The following SYT16 variants were observed in gnomAD, a reference collection of about 807,000 sequenced individuals.
The protein encoded by SYT16 is synaptotagmin 16, also known as synaptotagmin-16.
A neutral mutation model predicts 61.4 loss-of-function variants in SYT16; 42 were observed. The observed-to-expected ratio is 0.68, with a 90% confidence interval of 0.53 to 0.89. The LOEUF (loss-of-function observed/expected upper bound fraction) is 0.89, where lower values mean the gene tolerates loss of function less well. Ranked by LOEUF, SYT16 falls within the 40% of genes least tolerant of loss-of-function variation. The pLI, the probability that SYT16 is intolerant of heterozygous loss-of-function variation, is 0.00. For synonymous variants in SYT16, 314 were observed against 302.3 expected, an observed-to-expected ratio of 1.04 and a Z score of -0.40; for missense variants, 804 against 807.3, an observed-to-expected ratio of 1.00 and a Z score of 0.05.
At chr14:62,057,997 A>C (rs1482373705) in intron 3 of SYT16, among the ~76,000 whole-genome samples, 1 of 152,160 alleles carries the variant, frequency 6.6e-6, no homozygotes, top group Non-Finnish European at 1.5e-5. Flanking sequence ...TATTATTTTG[A>C]ATTTTTAGAT....
intron 3 of SYT16, among the ~76,000 whole-genome samples, chr14:62,039,937 C>A (rs2054662031): frequency 6.6e-6 from 1 of 151,408 alleles, no homozygotes; most frequent in African/African-American, 2.4e-5. Flanking sequence ...GCTAGGAAAG[C>A]ATATCCAGTG....
Position 62,109,318 on chromosome 14 carries a change from G to A in SYT16, c.*8611G>A, listed in dbSNP as rs1323885486. The A allele has an allele frequency of 1.3e-5, 2 of 149,818 alleles. No homozygotes were observed. Among genetic ancestry groups the A allele is most frequent in the East Asian group, 2.0e-4 (1 of 5,086 alleles). The allele number at this position is 149,818 out of a possible 1,614,324, so 9.3% of individuals were successfully genotyped here. ...TTTTTTTTCACTTAGGGATAGTCAT[G>A]TAAGTTTTCATGTCTTTTTATGGCT... On this transcript the variant is annotated 3_prime_UTR_variant, in exon 8 of 8. Transcript: ENST00000683842.
chr14:61,842,777 G>T (rs971968413), intron 1 of SYT16, among the ~76,000 whole-genome samples: 1 of 151,250 alleles, frequency 6.6e-6, no homozygotes, highest in African/African-American at 2.4e-5. Flanking sequence ...GACTGTTAGG[G>T]GGTGGGGGGA....
chr14:61,945,662 TG>T (rs776937898), intron 1 of SYT16, among the ~76,000 whole-genome samples: 5 of 151,816 alleles, frequency 3.3e-5, no homozygotes, highest in Non-Finnish European at 7.4e-5. Context: ...GAGACCATCC[TG>T]GCTAACACAG....
chr14:61,896,218 C>T lies in SYT16; in HGVS notation c.-324-73914C>T, dbSNP rs565352691. ...GCTTATATGGGCAAGAACCCCCATA[C>T]GTCACTCACACACTGCTGTGGGGAC... On this transcript the variant is annotated intron_variant, in intron 1 of 7. Coordinates refer to ENST00000683842, the MANE Select transcript of SYT16 (RefSeq NM_001367656.1). Among the ~76,000 whole-genome samples, 11 of 152,218 alleles carry T rather than the reference C, an allele frequency of 7.2e-5. No homozygotes were observed. In the South Asian group the frequency reaches 1.0e-3, roughly 14 times the overall value.
chr14:62,066,647 G>T (rs1260155382), intron 3 of SYT16, among the ~76,000 whole-genome samples: 1 of 152,180 alleles, frequency 6.6e-6, no homozygotes, highest in Admixed American at 6.5e-5. Context: ...ATCTGTGAAT[G>T]AACAACCATA....
At chr14:62,062,970 G>A (rs2055893454) in intron 3 of SYT16, among the ~76,000 whole-genome samples, 1 of 152,180 alleles carries the variant, frequency 6.6e-6, no homozygotes, top group Non-Finnish European at 1.5e-5. Context: ...CTGTAAAGTA[G>A]CAGCAGACAG....
At chr14:62,059,270 A>C (rs188637902) in intron 3 of SYT16, among the ~76,000 whole-genome samples, 1 of 152,338 alleles carries the variant, frequency 6.6e-6, no homozygotes, top group Non-Finnish European at 1.5e-5. Context: ...ATTTATCGGT[A>C]TCTCATGTGA....
chr14:61,908,331 T>C (rs551656993), intron 1 of SYT16, among the ~76,000 whole-genome samples: 5 of 152,372 alleles, frequency 3.3e-5, no homozygotes, highest in African/African-American at 1.2e-4. Context: ...AAGAATTATC[T>C]TCCATTCATT....
chr14:61,867,245 C>A (rs1204378026), intron 1 of SYT16, among the ~76,000 whole-genome samples: 1 of 151,782 alleles, frequency 6.6e-6, no homozygotes, highest in African/African-American at 2.4e-5. Flanking sequence ...CATTTTATTT[C>A]CATGTCAATT....
chr14:62,001,005 T>A (rs2052991849), intron 3 of SYT16, among the ~76,000 whole-genome samples: 1 of 152,040 alleles, frequency 6.6e-6, no homozygotes, highest in African/African-American at 2.4e-5. Flanking sequence ...AAGGCTGCAG[T>A]GAACTGTGAT....
chr14:61,892,055 G>C (rs550472888), intron 1 of SYT16, among the ~76,000 whole-genome samples: 1 of 152,016 alleles, frequency 6.6e-6, no homozygotes, highest in East Asian at 1.9e-4. Flanking sequence ...TCACTTCCCT[G>C]CCTCCCTCCT....
chr14:62,056,493 A>C (rs1210697939), intron 3 of SYT16, among the ~76,000 whole-genome samples: 1 of 152,186 alleles, frequency 6.6e-6, no homozygotes, highest in Non-Finnish European at 1.5e-5. Context: ...TGGTGCTATA[A>C]AACTCCGTTT....
intron 3 of SYT16, among the ~76,000 whole-genome samples, chr14:62,004,523 G>A (rs1245104268): frequency 6.6e-6 from 1 of 152,136 alleles, no homozygotes; most frequent in Non-Finnish European, 1.5e-5. Flanking sequence ...ACAGAACTCT[G>A]ATATAGAAGG....
chr14:61,836,818 T>C (rs942721325), intron 1 of SYT16, among the ~76,000 whole-genome samples: 1 of 152,276 alleles, frequency 6.6e-6, no homozygotes, highest in African/African-American at 2.4e-5. Context: ...TCTTAATTTC[T>C]TTCATTGAAT....
intron 2 of SYT16, among the ~76,000 whole-genome samples, chr14:61,971,689 A>G (rs1213451380): frequency 6.6e-6 from 1 of 152,222 alleles, no homozygotes; most frequent in African/African-American, 2.4e-5. Flanking sequence ...GTGTGCAGAT[A>G]TATTTTTAAA....
chr14:61,964,319 AT>A (rs1325583027), intron 1 of SYT16, among the ~76,000 whole-genome samples: 10 of 152,198 alleles, frequency 6.6e-5, no homozygotes, highest in African/African-American at 2.4e-4. Flanking sequence ...GGAGGTCAAA[AT>A]ATCAATATTA....
chr14:61,818,547 A>G lies in SYT16; in HGVS notation c.-325+5737A>G, dbSNP rs201833084. ...ACAAAAATTAGCAGGGCGTGGTGGCACTCATCTGTAATCCCAGCTACTTGG... is the reference window on the plus strand; with the variant it reads ...ACAAAAATTAGCAGGGCGTGGTGGCGCTCATCTGTAATCCCAGCTACTTGG... On this transcript the variant is annotated intron_variant, in intron 1 of 7. Coordinates refer to ENST00000683842, the MANE Select transcript of SYT16 (RefSeq NM_001367656.1). 7.9e-5 allele frequency among the ~76,000 whole-genome samples: 12 copies of G among 151,756 alleles called. No homozygotes were observed. In the East Asian group the frequency reaches 2.3e-3, roughly 29 times the overall value.
intron 1 of SYT16, among the ~76,000 whole-genome samples, chr14:61,871,582 A>G (rs1234557100): frequency 6.6e-6 from 1 of 152,172 alleles, no homozygotes; most frequent in Non-Finnish European, 1.5e-5. Flanking sequence ...TCTCTCAGGG[A>G]TCACCATTTA....
Sources: gnomAD v4.1 joint callset for allele counts (sites outside exome capture counted in the v4.1 genomes callset) on GRCh38, gnomAD v4.1.1 for gene constraint, MANE v1.5 for transcripts, NCBI Gene and HGNC (gene_info 2026-07-23, HGNC 2026-07-21) for gene names.